LRMDA: variants seen among roughly 807,000 people sequenced by gnomAD.
LRMDA encodes the protein leucine rich melanocyte differentiation associated.
LRMDA carries 18 observed loss-of-function variants against 29.8 expected under a neutral mutation model. That is an observed-to-expected ratio of 0.60 (90% CI 0.42 to 0.90). LRMDA has a LOEUF of 0.90. Among genes scored for constraint, LRMDA ranks in the 40% least tolerant of loss-of-function variants. The pLI is 0.00. For synonymous variants in LRMDA, 125 were observed against 109.4 expected, an observed-to-expected ratio of 1.14 and a Z score of -0.89; for missense variants, 273 against 273.9, an observed-to-expected ratio of 1.00 and a Z score of 0.02.
intron 2 of LRMDA, among the ~76,000 whole-genome samples, chr10:75,648,777 T>C (rs1443450991): frequency 6.6e-6 from 1 of 152,124 alleles, no homozygotes; most frequent in East Asian, 1.9e-4. Context: ...TAAGGTTTAT[T>C]GAATGCCTAA....
At chr10:76,468,832 A>C (rs561732113) in intron 6 of LRMDA, among the ~76,000 whole-genome samples, 1 of 152,298 alleles carries the variant, frequency 6.6e-6, no homozygotes, top group African/African-American at 2.4e-5. Flanking sequence ...TTTGCTCATC[A>C]ACAGAAACCT....
At chr10:76,243,816 C>A (rs142930820) in intron 5 of LRMDA, among the ~76,000 whole-genome samples, 1 of 152,100 alleles carries the variant, frequency 6.6e-6, no homozygotes, top group Admixed American at 6.5e-5. Flanking sequence ...GGTAGCCCCC[C>A]CAAAATATAT....
intron 6 of LRMDA, among the ~76,000 whole-genome samples, chr10:76,376,830 G>A (rs965576460): frequency 8.0e-6 from 1 of 124,666 alleles, no homozygotes; most frequent in Non-Finnish European, 1.7e-5. Flanking sequence ...GTAATGTTGA[G>A]CATTTTTTCA....
intron 6 of LRMDA, among the ~76,000 whole-genome samples, chr10:76,436,292 A>T (rs1842244050): frequency 6.6e-6 from 1 of 152,200 alleles, no homozygotes; most frequent in Non-Finnish European, 1.5e-5. Context: ...TCTGTGAGTG[A>T]AAAATAAGTG....
chr10:75,573,820 G>A (rs1268407597), intron 2 of LRMDA, among the ~76,000 whole-genome samples: 1 of 151,918 alleles, frequency 6.6e-6, no homozygotes, highest in East Asian at 1.9e-4. Flanking sequence ...TTTGTTAAGA[G>A]GTGTGTCACA....
At chr10:75,719,369 C>G (rs1418092739) in intron 2 of LRMDA, among the ~76,000 whole-genome samples, 3 of 152,192 alleles carry the variant, frequency 2.0e-5, no homozygotes, top group Non-Finnish European at 4.4e-5. Context: ...TTTTGTGTGA[C>G]AAGGTAACCA....
intron 2 of LRMDA, among the ~76,000 whole-genome samples, chr10:75,750,295 G>A (rs983396241): frequency 2.0e-4 from 31 of 151,292 alleles, no homozygotes; most frequent in Admixed American, 1.6e-3. Flanking sequence ...GGCCGGGCAG[G>A]GGCTGCCCCC....
At chr10:76,301,460 A>T (rs1218275729) in intron 5 of LRMDA, among the ~76,000 whole-genome samples, 1 of 152,228 alleles carries the variant, frequency 6.6e-6, no homozygotes, top group Non-Finnish European at 1.5e-5. Flanking sequence ...TATATCTTTA[A>T]TAATACAGAT....
At chr10:75,611,179 T>G (rs1349181054) in intron 2 of LRMDA, among the ~76,000 whole-genome samples, 1 of 151,914 alleles carries the variant, frequency 6.6e-6, no homozygotes, top group Non-Finnish European at 1.5e-5. Context: ...GCATTAGGAG[T>G]GATGATCTGG....
intron 6 of LRMDA, among the ~76,000 whole-genome samples, chr10:76,463,680 T>G (rs4275555): frequency 0.36 from 55,078 of 151,952 alleles, 11,106 homozygotes; most frequent in Middle Eastern, 0.55. Flanking sequence ...GAAACAGAAC[T>G]GAGGAGAAAG....
chr10:76,376,002 G>GTT (rs1446862280), intron 6 of LRMDA, among the ~76,000 whole-genome samples: 2 of 150,954 alleles, frequency 1.3e-5, no homozygotes, highest in African/African-American at 2.4e-5. Context: ...ATAGTTTTTG[G>GTT]GTTTTTTTTA....
intron 5 of LRMDA, among the ~76,000 whole-genome samples, chr10:76,301,929 T>C (rs1840485760): frequency 6.6e-6 from 1 of 152,204 alleles, no homozygotes; most frequent in African/African-American, 2.4e-5. Context: ...ACAGTAGTTT[T>C]AGAATTTGTT....
chr10:76,204,948 T>C (rs577967039), intron 5 of LRMDA, among the ~76,000 whole-genome samples: 11 of 152,156 alleles, frequency 7.2e-5, no homozygotes, highest in Non-Finnish European at 1.6e-4. Flanking sequence ...GAGTCTGATA[T>C]GACAGTGACA....
At chr10:76,073,910 A>G (rs1848915096) in intron 5 of LRMDA, among the ~76,000 whole-genome samples, 2 of 152,224 alleles carry the variant, frequency 1.3e-5, no homozygotes, top group African/African-American at 4.8e-5. Context: ...GGTTCCCTAG[A>G]GCATCCTGAA....
chr10:76,315,752 AGGGATGGCTTGAAGCCT>A (rs1158944886), intron 5 of LRMDA, among the ~76,000 whole-genome samples: 1 of 152,116 alleles, frequency 6.6e-6, no homozygotes, highest in Non-Finnish European at 1.5e-5. Context: ...CCTTCAAGCC[AGGGATGGCTTGAAGCCT>A]GGGGGCCGGG....
chr10:75,643,658 G>A (rs1015010917), intron 2 of LRMDA, among the ~76,000 whole-genome samples: 3 of 152,192 alleles, frequency 2.0e-5, no homozygotes, highest in Non-Finnish European at 4.4e-5. Context: ...TCTGTGAAAT[G>A]AAGAAAAATG....
In LRMDA at chr10:76,514,512, G is replaced by C. The variant is rs1324832863; in HGVS notation, c.602-42697G>C. On this transcript the variant is annotated intron_variant, in intron 6 of 6. Transcript: ENST00000611255. Reference sequence around the variant, plus strand: ...AGGCTTTCTGGAGAGAGCAGGGCAGGCATCCAAGTCAGTTTGTTTGGCTTG... The same window carrying C: ...AGGCTTTCTGGAGAGAGCAGGGCAGCCATCCAAGTCAGTTTGTTTGGCTTG... Among the ~76,000 whole-genome samples, 5 of 152,200 alleles carry C rather than the reference G, an allele frequency of 3.3e-5. 1 individual carries two copies. Among genetic ancestry groups the C allele is most frequent in the South Asian group, 2.1e-4 (1 of 4,830 alleles).
chr10:75,937,118 C>T (rs975635896), intron 2 of LRMDA, among the ~76,000 whole-genome samples: 4 of 152,072 alleles, frequency 2.6e-5, no homozygotes, highest in Non-Finnish European at 4.4e-5. Flanking sequence ...GTTACCAGTT[C>T]CAAGAATGAC....
intron 2 of LRMDA, among the ~76,000 whole-genome samples, chr10:75,626,598 G>C (rs1841252819): frequency 6.6e-6 from 1 of 152,136 alleles, no homozygotes; most frequent in Non-Finnish European, 1.5e-5. Flanking sequence ...TGGAGTTTTG[G>C]ATGTTTTCGT....
Sources: gnomAD v4.1 joint callset for allele counts (sites outside exome capture counted in the v4.1 genomes callset) on GRCh38, gnomAD v4.1.1 for gene constraint, MANE v1.5 for transcripts, NCBI Gene and HGNC (gene_info 2026-07-23, HGNC 2026-07-21) for gene names.